The following GLYATL1 variants were observed in gnomAD, a reference collection of about 807,000 sequenced individuals.
GLYATL1 encodes the protein glycine-N-acyltransferase like 1, also known as glycine N-acyltransferase-like protein 1.
In GLYATL1, 15 loss-of-function variants were observed where a neutral mutation model predicts 20.0. The ratio of observed to expected loss-of-function variants is 0.75; its 90% CI spans 0.50 to 1.15. GLYATL1 has a LOEUF of 1.15. Ranked by LOEUF, GLYATL1 falls within the 50% of genes most tolerant of loss-of-function variation. GLYATL1 has a pLI of 0.00. For synonymous variants in GLYATL1, 151 were observed against 131.5 expected (o/e 1.15, Z -1.01); for missense variants, 380 against 368.5 (o/e 1.03, Z -0.26).
chr11:58,908,493 C>T, exon 2 of GLYATL1: 1 of 210,588 alleles, frequency 4.7e-6, no homozygotes. Flanking sequence ...CTGAAGGGAA[C>T]AAGTCATTTA....
chr11:58,943,688 G>C, intron 2 of GLYATL1, 22 bp downstream of exon 2: 3 of 1,610,358 alleles, frequency 1.9e-6, no homozygotes, highest in Non-Finnish European at 2.5e-6. Flanking sequence ...CTCGCATTTT[G>C]GAGCTTCACA....
intron 5 of GLYATL1, 79 bp downstream of exon 5, chr11:58,954,975 G>C: frequency 7.0e-7 from 1 of 1,424,036 alleles, no homozygotes; most frequent in Admixed American, 2.1e-5. Flanking sequence ...CATCACCTGA[G>C]GGCTCATTAG....
At chr11:58,953,390 G>GTTTTTTTTT (rs377318573) in intron 4 of GLYATL1, among the ~76,000 whole-genome samples, 2 of 110,974 alleles carry the variant, frequency 1.8e-5, no homozygotes, top group Non-Finnish European at 3.7e-5. Context: ...CTTACAGTCT[G>GTTTTTTTTT]TTTTTTTTTT....
intron 2 of GLYATL1, chr11:58,946,792 C>A: frequency 1.9e-6 from 1 of 528,796 alleles, no homozygotes; most frequent in Non-Finnish European, 3.4e-6. Context: ...TTAATATTCA[C>A]TTTTAATTCT....
Position 58,905,670 on chromosome 11 carries a change from G to C in GLYATL1, n.238+9G>C. On this transcript the variant is annotated intron_variant and non_coding_transcript_variant, in intron 1 of 1. Coordinates refer to the GLYATL1 transcript ENST00000524629. ...CTGCTTAGTTTATCCTGGTACGCGG[G>C]AACTGGCTGTGGACCGAGTGGTTCG... The C allele has an allele frequency of 8.8e-6, 4 of 454,974 alleles. 1 individual carries two copies. Among genetic ancestry groups the C allele is most frequent in the South Asian group, 6.2e-5 (4 of 64,540 alleles). 28.2% of individuals were successfully genotyped at this position (454,974 alleles called of 1,614,324 possible).
At chr11:58,917,886 C>A (rs943651879) in intron 1 of GLYATL1, among the ~76,000 whole-genome samples, 2 of 152,188 alleles carry the variant, frequency 1.3e-5, no homozygotes, top group African/African-American at 4.8e-5. Context: ...TCACCTGGGT[C>A]CAGGTTTTGC....
chr11:58,920,723 G>C (rs1052129199), intron 1 of GLYATL1, among the ~76,000 whole-genome samples: 1 of 152,134 alleles, frequency 6.6e-6, no homozygotes, highest in Non-Finnish European at 1.5e-5. Flanking sequence ...CCTTGGTATC[G>C]AGTCATTTTT....
chr11:58,943,816 G>GAT, intron 2 of GLYATL1, 150 bp downstream of exon 2: 6 of 1,235,608 alleles, frequency 4.9e-6, no homozygotes, highest in Non-Finnish European at 6.5e-6. Flanking sequence ...GAATTAACTG[G>GAT]CCTGGATCCA....
rs1857397741 is a variant in GLYATL1, at chr11:58,955,996, CT to C, written c.880del (p.Cys294AlafsTer6). On this transcript the variant is annotated frameshift_variant, in exon 7 of 7. Transcript: ENST00000532726. LOFTEE classifies it high-confidence loss of function. ...GCCTCCTGTGAGTGGCACCAATGGACTTGCTACCCACAGAATCTAGTTCCAT... is the reference window on the plus strand; with the variant it reads ...GCCTCCTGTGAGTGGCACCAATGGACTGCTACCCACAGAATCTAGTTCCAT... ...FEASCEWHQW[T>X]CYPQNLVPF 2.5e-6 allele frequency: 4 copies of C among 1,612,478 alleles called. No homozygotes were observed. The highest frequency in any genetic ancestry group is 3.4e-6 in the Non-Finnish European group (4 of 1,178,578).
rs554902763 is a variant in GLYATL1, at chr11:58,946,927, G to A, written c.-42-119G>A. ...GTCCCTCTGAGATTTGGTGTATTCA[G>A]AATGAATATGATACTAACAGTACCT... is the stretch of plus-strand genomic sequence containing the variant. On this transcript the variant is annotated intron_variant, in intron 2 of 6. Transcript: ENST00000532726. 2.3e-4 allele frequency: 179 copies of A among 775,146 alleles called. 3 individuals carry two copies. Among genetic ancestry groups the A allele is most frequent in the South Asian group, 2.0e-3 (140 of 68,412 alleles). 48.0% of individuals were successfully genotyped at this position (775,146 alleles called of 1,614,324 possible).
downstream of GLYATL1, among the ~76,000 whole-genome samples, chr11:58,913,182 G>A (rs1855092294): frequency 6.6e-6 from 1 of 152,144 alleles, no homozygotes; most frequent in African/African-American, 2.4e-5. Context: ...CCTTGGAAAA[G>A]AGGGGATGGG....
At chr11:58,906,973 A>T (rs1318420523) in intron 1 of GLYATL1, among the ~76,000 whole-genome samples, 1 of 152,168 alleles carries the variant, frequency 6.6e-6, no homozygotes, top group Non-Finnish European at 1.5e-5. Context: ...ATCCTTTTTT[A>T]AAAAGCTCAG....
chr11:58,929,568 T>C (rs1855525005), intron 1 of GLYATL1, among the ~76,000 whole-genome samples: 1 of 152,230 alleles, frequency 6.6e-6, no homozygotes, highest in South Asian at 2.1e-4. Flanking sequence ...AAACTTCTTT[T>C]TGGTATTGTA....
chr11:58,940,270 C>T (rs1856045009), intron 1 of GLYATL1, among the ~76,000 whole-genome samples: 1 of 152,254 alleles, frequency 6.6e-6, no homozygotes, highest in South Asian at 2.1e-4. Context: ...AATTAAACTG[C>T]CACGGAAACT....
At chr11:58,953,118 T>C (rs1191320160) in intron 4 of GLYATL1, among the ~76,000 whole-genome samples, 1 of 152,246 alleles carries the variant, frequency 6.6e-6, no homozygotes, top group African/African-American at 2.4e-5. Flanking sequence ...AATAAAATCA[T>C]GTCCTTTGTA....
intron 1 of GLYATL1, among the ~76,000 whole-genome samples, chr11:58,917,804 T>C (rs1282515479): frequency 1.3e-5 from 2 of 152,256 alleles, no homozygotes; most frequent in African/African-American, 4.8e-5. Context: ...TCTCCCTTTG[T>C]GGAGGGAATG....
chr11:58,935,868 T>G (rs1306876905), upstream of GLYATL1, among the ~76,000 whole-genome samples: 1 of 152,226 alleles, frequency 6.6e-6, no homozygotes, highest in Non-Finnish European at 1.5e-5. Flanking sequence ...TGTATTCACC[T>G]CTATATTCAT....
downstream of GLYATL1, among the ~76,000 whole-genome samples, chr11:58,911,520 T>A (rs978696606): frequency 6.6e-6 from 1 of 152,228 alleles, no homozygotes; most frequent in Non-Finnish European, 1.5e-5. Flanking sequence ...TTCTCATAGG[T>A]ATGTAATGGC....
At chr11:58,954,188 G>A (rs1015476924) in intron 4 of GLYATL1, among the ~76,000 whole-genome samples, 1 of 152,144 alleles carries the variant, frequency 6.6e-6, no homozygotes, top group African/African-American at 2.4e-5. Flanking sequence ...CTAGGTGTCT[G>A]GTGAAACAGT....
Sources: gnomAD v4.1 joint callset for allele counts (sites outside exome capture counted in the v4.1 genomes callset) on GRCh38, gnomAD v4.1.1 for gene constraint, MANE v1.5 for transcripts, NCBI Gene and HGNC (gene_info 2026-07-23, HGNC 2026-07-21) for gene names.